PCDH9: variants seen among roughly 807,000 people sequenced by gnomAD.
PCDH9 encodes protocadherin 9.
In PCDH9, 24 loss-of-function variants were observed where a neutral mutation model predicts 70.6. The observed-to-expected ratio is 0.34, with a 90% CI of 0.25 to 0.48. PCDH9 has a LOEUF of 0.48. Among genes scored for constraint, PCDH9 ranks in the 20% least tolerant of loss-of-function variants. PCDH9 has a pLI of 0.99. For synonymous variants in PCDH9, 562 were observed against 558.5 expected, an observed-to-expected ratio of 1.01 and a Z score of -0.09; for missense variants, 1,281 against 1,503.6, an observed-to-expected ratio of 0.85 and a Z score of 2.45.
chr13:67,024,956 A>G (rs1483645431), intron 2 of PCDH9, among the ~76,000 whole-genome samples: 4 of 152,098 alleles, frequency 2.6e-5, no homozygotes, highest in Non-Finnish European at 4.4e-5. Flanking sequence ...ATAAATGAAA[A>G]TATTAACCAA....
chr13:67,101,608 T>C (rs1295117312), intron 2 of PCDH9, among the ~76,000 whole-genome samples: 1 of 152,222 alleles, frequency 6.6e-6, no homozygotes, highest in African/African-American at 2.4e-5. Context: ...AGTGTAACTC[T>C]AAAATATGGA....
At chr13:66,984,619 T>C (rs2083851176) in intron 2 of PCDH9, among the ~76,000 whole-genome samples, 1 of 152,126 alleles carries the variant, frequency 6.6e-6, no homozygotes, top group Admixed American at 6.6e-5. Context: ...AATGCTAAAA[T>C]GGAATCTTAC....
At chr13:66,783,140 C>T (rs11840634) in intron 3 of PCDH9, among the ~76,000 whole-genome samples, 2,441 of 152,176 alleles carry the variant, frequency 0.016, 73 homozygotes, top group African/African-American at 0.055. Context: ...CTCGACTCCT[C>T]ACTGTTTTAG....
intron 4 of PCDH9, among the ~76,000 whole-genome samples, chr13:66,491,239 G>A (rs557635359): frequency 6.6e-6 from 1 of 152,206 alleles, no homozygotes; most frequent in East Asian, 1.9e-4. Flanking sequence ...TTAAACAGTG[G>A]TTAAGGATCA....
At chr13:67,122,728 C>G (rs867028242) in intron 2 of PCDH9, among the ~76,000 whole-genome samples, 12 of 151,080 alleles carry the variant, frequency 7.9e-5, no homozygotes, top group African/African-American at 2.9e-4. Context: ...GAGCTGAGAT[C>G]GCGCCACTGC....
At chr13:66,582,544 G>A (rs2076907046) in intron 4 of PCDH9, among the ~76,000 whole-genome samples, 1 of 152,004 alleles carries the variant, frequency 6.6e-6, no homozygotes, top group African/African-American at 2.4e-5. Flanking sequence ...GAGGCAGGAG[G>A]ATCACCTGAG....
At chr13:67,061,415 A>G (rs907232605) in intron 2 of PCDH9, among the ~76,000 whole-genome samples, 5 of 151,930 alleles carry the variant, frequency 3.3e-5, no homozygotes, top group African/African-American at 1.2e-4. Context: ...CTCTCTATAT[A>G]TATATGTATA....
At chr13:66,885,762 A>T (rs926427891) in intron 3 of PCDH9, among the ~76,000 whole-genome samples, 1 of 152,232 alleles carries the variant, frequency 6.6e-6, no homozygotes, top group African/African-American at 2.4e-5. Flanking sequence ...AACTTGAAGT[A>T]GAATGGAAGA....
At position 66,717,222 on chromosome 13, in the gene PCDH9, G is replaced by A. The variant is rs1014782306; in HGVS notation, c.3139-85811C>T. On this transcript the variant is annotated intron_variant, in intron 3 of 4. Coordinates refer to ENST00000377865, the MANE Select transcript of PCDH9 (RefSeq NM_203487.3). Reference sequence around the variant, plus strand: ...TGTAACTGCAGCACTTTGGGAGGCCGAGGCGAGCGGATCACCTGAGGTCAG... The same window carrying A: ...TGTAACTGCAGCACTTTGGGAGGCCAAGGCGAGCGGATCACCTGAGGTCAG... 5.3e-5 allele frequency among the ~76,000 whole-genome samples: 8 copies of A among 151,778 alleles called. No homozygotes were observed. In the South Asian group the frequency reaches 6.2e-4, roughly 12 times the overall value.
At chr13:66,586,542 G>C (rs924284054) in intron 4 of PCDH9, among the ~76,000 whole-genome samples, 1 of 152,080 alleles carries the variant, frequency 6.6e-6, no homozygotes, top group Non-Finnish European at 1.5e-5. Flanking sequence ...CAGGCTGCTT[G>C]GTACAGAAGT....
chr13:66,523,196 ACTC>A (rs574702892), intron 4 of PCDH9, among the ~76,000 whole-genome samples: 1 of 151,588 alleles, frequency 6.6e-6, no homozygotes, highest in African/African-American at 2.4e-5. Flanking sequence ...AATGCTGCGT[ACTC>A]CTCCTCCTCC....
At chr13:66,844,688 CTT>C (rs897790273) in intron 3 of PCDH9, among the ~76,000 whole-genome samples, 1 of 151,802 alleles carries the variant, frequency 6.6e-6, no homozygotes, top group Non-Finnish European at 1.5e-5. Flanking sequence ...ATGTCTAAAA[CTT>C]ATATTTCATG....
intron 4 of PCDH9, among the ~76,000 whole-genome samples, chr13:66,617,353 G>C (rs372588090): frequency 6.6e-6 from 1 of 152,046 alleles, no homozygotes; most frequent in Admixed American, 6.5e-5. Context: ...TTTCTAGATG[G>C]GTAGCCATCA....
At chr13:66,449,747 T>A (rs1206533278) in intron 4 of PCDH9, among the ~76,000 whole-genome samples, 1 of 152,312 alleles carries the variant, frequency 6.6e-6, no homozygotes, top group South Asian at 2.1e-4. Context: ...AAATTTTTAT[T>A]AAACTTTTAT....
chr13:66,564,205 C>T (rs2076617964), intron 4 of PCDH9, among the ~76,000 whole-genome samples: 1 of 151,994 alleles, frequency 6.6e-6, no homozygotes, highest in Non-Finnish European at 1.5e-5. Context: ...TGCTTTTTCA[C>T]CCATGCTAGA....
chr13:66,330,994 T>A (rs1475893322), intron 4 of PCDH9, among the ~76,000 whole-genome samples: 1 of 152,202 alleles, frequency 6.6e-6, no homozygotes, highest in African/African-American at 2.4e-5. Flanking sequence ...CTCACAAATG[T>A]ACTTCTCCAT....
chr13:66,523,728 A>G (rs999931504), intron 4 of PCDH9, among the ~76,000 whole-genome samples: 8 of 151,820 alleles, frequency 5.3e-5, no homozygotes, highest in African/African-American at 1.9e-4. Flanking sequence ...ATTAAGGATG[A>G]TTTTTTAAAA....
chr13:66,485,589 T>C (rs950860811), intron 4 of PCDH9, among the ~76,000 whole-genome samples: 8 of 151,972 alleles, frequency 5.3e-5, no homozygotes, highest in Non-Finnish European at 1.2e-4. Context: ...TGTGTACATA[T>C]GCATATGACA....
chr13:66,395,530 G>T (rs1410494073), intron 4 of PCDH9, among the ~76,000 whole-genome samples: 1 of 152,010 alleles, frequency 6.6e-6, no homozygotes, highest in East Asian at 1.9e-4. Flanking sequence ...AACACGGGAG[G>T]CAGAGGTGGC....
Sources: gnomAD v4.1 joint callset for allele counts (sites outside exome capture counted in the v4.1 genomes callset) on GRCh38, gnomAD v4.1.1 for gene constraint, MANE v1.5 for transcripts, NCBI Gene and HGNC (gene_info 2026-07-23, HGNC 2026-07-21) for gene names.